The following CUX1 variants were observed in gnomAD, a reference collection of about 807,000 sequenced individuals.
CUX1 encodes the protein protein CASP.
CUX1 carries 31 observed loss-of-function variants against 158.8 expected under a neutral mutation model. The observed-to-expected ratio is 0.20, with a 90% CI of 0.15 to 0.26. The LOEUF is 0.26. Among genes scored for constraint, CUX1 ranks in the 10% least tolerant of loss-of-function variants. The probability of loss-of-function intolerance (pLI) is 1.00; values close to 1 mark genes in which losing one functional copy is unlikely to be tolerated. For synonymous variants in CUX1, 879 were observed against 862.1 expected, an observed-to-expected ratio of 1.02 and a Z score of -0.34; for missense variants, 1,589 against 2,014.6, an observed-to-expected ratio of 0.79 and a Z score of 4.04.
At chr7:101,835,667 G>A (rs1284204029) in intron 1 of CUX1, among the ~76,000 whole-genome samples, 1 of 152,090 alleles carries the variant, frequency 6.6e-6, no homozygotes, top group Non-Finnish European at 1.5e-5. Flanking sequence ...GTGGAGAATG[G>A]GGTATCCATC....
intron 2 of CUX1, among the ~76,000 whole-genome samples, chr7:102,023,289 G>A (rs1230576438): frequency 6.6e-6 from 1 of 152,162 alleles, no homozygotes; most frequent in East Asian, 1.9e-4. Context: ...TGGCCAGCCT[G>A]AACCCCACTT....
At chr7:101,956,273 A>G (rs915616727) in intron 2 of CUX1, among the ~76,000 whole-genome samples, 5 of 152,106 alleles carry the variant, frequency 3.3e-5, no homozygotes, top group African/African-American at 1.2e-4. Flanking sequence ...GCAGTGCCTC[A>G]GTTAAACAGC....
intron 3 of CUX1, among the ~76,000 whole-genome samples, chr7:102,062,256 A>G (rs1235093535): frequency 6.6e-6 from 1 of 152,186 alleles, no homozygotes; most frequent in East Asian, 1.9e-4. Context: ...GGCAGTGGGC[A>G]GCGATGTGTG....
chr7:101,836,758 G>A (rs1416648042), intron 1 of CUX1, among the ~76,000 whole-genome samples: 1 of 151,630 alleles, frequency 6.6e-6, no homozygotes, highest in Non-Finnish European at 1.5e-5. Context: ...CTTTGTTTTG[G>A]CTGGAGAAAC....
At chr7:102,129,883 G>A (rs1833032199) in intron 8 of CUX1, among the ~76,000 whole-genome samples, 1 of 152,054 alleles carries the variant, frequency 6.6e-6, no homozygotes, top group Non-Finnish European at 1.5e-5. Flanking sequence ...GGGCTGGTGT[G>A]AAACAAATTA....
intron 4 of CUX1, among the ~76,000 whole-genome samples, chr7:102,085,009 T>C (rs1402401587): frequency 6.6e-6 from 1 of 151,986 alleles, no homozygotes; most frequent in Non-Finnish European, 1.5e-5. Flanking sequence ...GTAGATTTTT[T>C]TGTAGTTGCC....
intron 21 of CUX1, among the ~76,000 whole-genome samples, chr7:102,228,254 G>A (rs1368167227): frequency 3.3e-5 from 5 of 151,878 alleles, no homozygotes; most frequent in Non-Finnish European, 5.9e-5. Context: ...ATGAGCCATC[G>A]TGCCTGGCTT....
chr7:102,025,909 G>A (rs1164216757), intron 2 of CUX1, among the ~76,000 whole-genome samples: 1 of 152,074 alleles, frequency 6.6e-6, no homozygotes, highest in African/African-American at 2.4e-5. Context: ...AGGTGCAGTG[G>A]TTCACACCTG....
intron 18 of CUX1, among the ~76,000 whole-genome samples, chr7:102,203,714 G>A (rs1053636120): frequency 5.3e-5 from 8 of 152,096 alleles, no homozygotes; most frequent in Non-Finnish European, 7.4e-5. Flanking sequence ...ATCCCAGGGC[G>A]GCATCTGTGT....
chr7:102,109,086 AT>A (rs1471137494), intron 6 of CUX1, among the ~76,000 whole-genome samples: 8 of 152,082 alleles, frequency 5.3e-5, no homozygotes, highest in Non-Finnish European at 7.3e-5. Flanking sequence ...AAATATTATA[AT>A]TTTTTGTCAC....
At chr7:102,087,791 A>C (rs956653090) in intron 4 of CUX1, among the ~76,000 whole-genome samples, 6 of 152,204 alleles carry the variant, frequency 3.9e-5, no homozygotes, top group African/African-American at 1.2e-4. Flanking sequence ...CTTTTAAAGA[A>C]ATTAAAAATG....
chr7:101,936,659 G>T (rs1806980187), intron 2 of CUX1, among the ~76,000 whole-genome samples: 1 of 152,182 alleles, frequency 6.6e-6, no homozygotes, highest in African/African-American at 2.4e-5. Flanking sequence ...CGGCAGCCGG[G>T]CTGTGTTTGT....
At chr7:101,975,605 G>A (rs1359078758) in intron 2 of CUX1, among the ~76,000 whole-genome samples, 1 of 152,108 alleles carries the variant, frequency 6.6e-6, no homozygotes, top group Non-Finnish European at 1.5e-5. Flanking sequence ...TCACCAGTGA[G>A]GCATGGGAGT....
chr7:102,278,146 C>G lies in CUX1; in HGVS notation c.1680+81C>G, dbSNP rs1210878423. The G allele has an allele frequency of 7.7e-6, 8 of 1,039,512 alleles. No homozygotes were observed. In the Admixed American group the frequency reaches 1.5e-4, roughly 20 times the overall value. 64.4% of individuals were successfully genotyped at this position (1,039,512 alleles called of 1,614,324 possible). ...ATCAGGGCTCTGGAGATGGGAGGGT[C>G]GGGGACCAAGACCTGCTGGGCAGCA... On this transcript the variant is annotated intron_variant, in intron 18 of 22. Transcript: ENST00000292538.
At chr7:101,963,235 C>G (rs1004025594) in intron 2 of CUX1, among the ~76,000 whole-genome samples, 8 of 152,140 alleles carry the variant, frequency 5.3e-5, no homozygotes, top group Admixed American at 2.0e-4. Context: ...AATGTGCTGT[C>G]CTCCCTGTAT....
intron 1 of CUX1, among the ~76,000 whole-genome samples, chr7:101,876,666 A>T (rs1799167480): frequency 6.6e-6 from 1 of 152,032 alleles, no homozygotes; most frequent in Non-Finnish European, 1.5e-5. Context: ...CTGTGCTCTG[A>T]CCTGGCAACA....
rs142408070 is a variant in CUX1 at position 102,057,962 on chromosome 7, A to G, written c.190-12377A>G. 5.1e-3 allele frequency among the ~76,000 whole-genome samples: 779 copies of G among 152,298 alleles called. 4 individuals carry two copies. The highest frequency in any genetic ancestry group is 6.5e-3 in the Non-Finnish European group (444 of 68,020). On this transcript the variant is annotated intron_variant, in intron 3 of 23. Transcript: ENST00000292535. ...ACGAAAGAGTCAATCAAGCTAGCCAATTTCATTGTTGCCTTAACAAATTGC... is the reference window on the plus strand; with the variant it reads ...ACGAAAGAGTCAATCAAGCTAGCCAGTTTCATTGTTGCCTTAACAAATTGC...
At chr7:101,895,902 G>A (rs13245716) in intron 1 of CUX1, among the ~76,000 whole-genome samples, 1 of 40,466 alleles carries the variant, frequency 2.5e-5, no homozygotes, top group Admixed American at 2.3e-4. Context: ...TTTTTTTTTT[G>A]TTTTTGTTTT....
chr7:101,881,494 A>G (rs1344239867), intron 1 of CUX1, among the ~76,000 whole-genome samples: 4 of 152,142 alleles, frequency 2.6e-5, no homozygotes, highest in Non-Finnish European at 5.9e-5. Context: ...CTGGCTCAGG[A>G]GCTTGGGTCT....
Sources: allele counts gnomAD v4.1 joint callset (sites outside exome capture counted in the v4.1 genomes callset), GRCh38; gene constraint gnomAD v4.1.1; transcripts MANE v1.5; gene names NCBI Gene and HGNC (gene_info 2026-07-23, HGNC 2026-07-21).